The following ZNF839 variants were observed in gnomAD, a reference collection of about 807,000 sequenced individuals.
ZNF839 encodes renal carcinoma antigen NY-REN-50.
Under a neutral mutation model 56.4 loss-of-function variants are expected in ZNF839, and 38 were observed. The ratio of observed to expected loss-of-function variants is 0.67; its 90% CI spans 0.52 to 0.88. The LOEUF (loss-of-function observed/expected upper bound fraction) is 0.88. Among genes scored for constraint, ZNF839 ranks in the 40% least tolerant of loss-of-function variants. ZNF839 has a pLI of 0.00. For missense variants in ZNF839, 1,091 were observed against 1,177.6 expected (o/e 0.93, Z 1.08); for synonymous variants, 486 against 493.5 (o/e 0.98, Z 0.20).
At position 102,319,754 on chromosome 14, in the gene ZNF839, G is replaced by T; in HGVS notation, c.-12G>T. 8.1e-7 allele frequency: 1 copy of T among 1,229,038 alleles called. No homozygotes were observed. Among genetic ancestry groups the T allele is most frequent in the Non-Finnish European group, 1.0e-6 (1 of 985,890 alleles). The allele number at this position is 1,229,038 out of a possible 1,614,324, so 76.1% of individuals were successfully genotyped here. ...CTCAGCGACCCGGGTTCGAGTCCCC[G>T]CCTCGGCCGCCATGGCGGATGCGGA... is the stretch of plus-strand genomic sequence containing the variant. On this transcript the variant is annotated 5_prime_UTR_variant, in exon 1 of 8. Transcript: ENST00000442396. The surrounding 1 kb of genome is among the most constrained non-coding windows in gnomAD (Gnocchi z 4.5).
rs1416700308 is a variant in ZNF839 at position 102,326,227 on chromosome 14, T to C, written c.531T>C (p.Phe177=). Residue 177 remains phenylalanine, a synonymous_variant, in exon 2 of 8, where the codon TTT becomes TTC. Transcript: ENST00000442396. The surrounding 1 kb of genome is among the most constrained non-coding windows in gnomAD (Gnocchi z 4.3). The stretch of plus-strand genomic sequence containing the variant: ...TATGCCAACCTCCTGCTCAGGGGTT[T>C]GTACAGAGACCACTGCCAGCCCTCC... ...SDLCQPPAQG[F]VQRPLPALQV... The C allele has an allele frequency of 6.2e-7, 1 of 1,613,924 alleles. No individual in the cohort carries two copies. Among genetic ancestry groups the C allele is most frequent in the East Asian group, 2.2e-5 (1 of 44,880 alleles).
In ZNF839 at chr14:102,326,848, C is replaced by T; in HGVS notation, c.1152C>T (p.Arg384=). 13 of 1,608,918 alleles carry T rather than the reference C, an allele frequency of 8.1e-6. No individual in the cohort carries two copies. The highest frequency in any genetic ancestry group is 1.1e-5 in the Non-Finnish European group (13 of 1,177,076). Residue 384 remains arginine, a synonymous_variant, in exon 2 of 8, where the codon CGC becomes CGT. Coordinates refer to ENST00000442396, the MANE Select transcript of ZNF839 (RefSeq NM_018335.6). This position sits in a 1 kb window ranked among gnomAD's most constrained non-coding sequence, Gnocchi z 4.3. ...CGGATCCATGTGAGGGAGGGGCCCG[C>T]TCCTGCTTGGTGACAGAGTCAGCAC... ...MPADPCEGGA[R]SCLVTESARG... is the part of the protein sequence containing the mutation.
At chr14:102,321,476 G>A (rs1467600019) in intron 1 of ZNF839, among the ~76,000 whole-genome samples, 1 of 152,166 alleles carries the variant, frequency 6.6e-6, no homozygotes, top group African/African-American at 2.4e-5. Context: ...TCGAGCTTAG[G>A]CAGCATGATG....
chr14:102,328,170 C>T (rs1339185293), intron 2 of ZNF839, among the ~76,000 whole-genome samples: 1 of 151,242 alleles, frequency 6.6e-6, no homozygotes, highest in African/African-American at 2.4e-5. Flanking sequence ...GCCTGGCCAA[C>T]ATGGTGAAAC....
chr14:102,341,429 T>G lies in ZNF839; in HGVS notation c.2034T>G (p.Leu678=), dbSNP rs746064855. ...NGSVFQAGPQ[L]QALANLEARR... ...GCGTGTTCCAGGCGGGCCCGCAGCT[T>G]CAGGCACTGGCTAACTTAGAAGCCA... Residue 678 remains leucine, a synonymous_variant, in exon 8 of 8, where the codon CTT becomes CTG. Coordinates refer to ENST00000442396, the MANE Select transcript of ZNF839 (RefSeq NM_018335.6). The G allele has an allele frequency of 1.3e-6, 2 of 1,592,694 alleles. No homozygotes were observed. Among genetic ancestry groups the G allele is most frequent in the South Asian group, 1.1e-5 (1 of 88,852 alleles).
Position 102,341,729 on chromosome 14 carries a change from C to G in ZNF839, c.2334C>G (p.Phe778Leu). ...EAGHLGKVCD[F>L]HLNHQQPSPT... ...GACACCTCGGCAAGGTTTGTGACTT[C>G]CACCTGAACCACCAGCAGCCCAGCC... is the stretch of plus-strand genomic sequence containing the variant. Residue 778 changes from phenylalanine to leucine, a missense_variant, in exon 8 of 8, where the codon TTC becomes TTG. Around this residue, in one of 3 missense-constraint regions of ZNF839, gnomAD observed 431 missense variants for 468.0 expected, o/e 0.92. Coordinates refer to ENST00000442396, the MANE Select transcript of ZNF839 (RefSeq NM_018335.6). 3 of 1,614,010 alleles carry G rather than the reference C, an allele frequency of 1.9e-6. No homozygotes were observed. The highest frequency in any genetic ancestry group is 2.5e-6 in the Non-Finnish European group (3 of 1,179,894).
chr14:102,337,941 G>A (rs541373322), intron 5 of ZNF839, among the ~76,000 whole-genome samples: 1 of 152,168 alleles, frequency 6.6e-6, no homozygotes, highest in Non-Finnish European at 1.5e-5. Flanking sequence ...GCCTTTCCAG[G>A]TAGCTGTAAC....
rs2139490245 is a variant in ZNF839, at chr14:102,326,975, G to T, written c.1191+88G>T. 1 of 1,380,608 alleles carries T rather than the reference G, an allele frequency of 7.2e-7. No individual in the cohort carries two copies. The highest frequency in any genetic ancestry group is 1.5e-5 in the South Asian group (1 of 66,756). The allele number at this position is 1,380,608 out of a possible 1,614,324, so 85.5% of individuals were successfully genotyped here. On this transcript the variant is annotated intron_variant, in intron 2 of 7. Transcript: ENST00000442396. The surrounding 1 kb of genome is among the most constrained non-coding windows in gnomAD (Gnocchi z 4.3). ...TACCTGAGACCAGGTATTTTATAAA[G>T]AAAAGAGGGTTGGCTCACGGTTCCA... is the stretch of plus-strand genomic sequence containing the variant.
intron 4 of ZNF839, 194 bp from the exon 5 acceptor site, chr14:102,335,495 C>T (rs1567294318): frequency 1.8e-6 from 1 of 569,236 alleles, no homozygotes; most frequent in Non-Finnish European, 3.0e-6. Context: ...TTGGCCTGCT[C>T]CTCCCATGCC....
chr14:102,319,817 G>C lies in ZNF839; in HGVS notation c.52G>C (p.Gly18Arg). The change falls in exon 1 of 8, where the codon GGC (glycine) becomes CGC (arginine). Residue 18 changes from glycine to arginine, a missense_variant. Gly to Arg is a moderately radical substitution (Grantham distance 125, BLOSUM62 -2). Coordinates refer to ENST00000442396, the MANE Select transcript of ZNF839 (RefSeq NM_018335.6). The surrounding 1 kb of genome is among the most constrained non-coding windows in gnomAD (Gnocchi z 4.5). ...GGGCGGCAGCGAGGATGGCGGCGGC[G>C]GCGGCGGCCCGGCTCCTCCGGGCCA... Reference protein sequence around the residue: ...AGGGSEDGGGGGGPAPPGQSG... With the variant: ...AGGGSEDGGGRGGPAPPGQSG... The C allele has an allele frequency of 8.1e-7, 1 of 1,233,126 alleles. No homozygotes were observed. The highest frequency in any genetic ancestry group is 1.0e-6 in the Non-Finnish European group (1 of 989,268). The allele number at this position is 1,233,126 out of a possible 1,614,324, so 76.4% of individuals were successfully genotyped here.
At chr14:102,340,176 A>C (rs1886351914) in intron 7 of ZNF839, among the ~76,000 whole-genome samples, 1 of 150,102 alleles carries the variant, frequency 6.7e-6, no homozygotes, top group Non-Finnish European at 1.5e-5. Context: ...GGGTTTTACC[A>C]TTTTGGTCAG....
In ZNF839 at chr14:102,335,822, A is replaced by T. The variant is rs764073126; in HGVS notation, c.1643A>T (p.Glu548Val). 1 of 1,609,992 alleles carries T rather than the reference A, an allele frequency of 6.2e-7. No individual in the cohort carries two copies. The highest frequency in any genetic ancestry group is 2.2e-5 in the East Asian group (1 of 44,876). The change falls in exon 5 of 8, where the codon GAA becomes GTA. Residue 548 changes from glutamate to valine, a missense_variant. Glu to Val is a moderately radical substitution (Grantham distance 121, BLOSUM62 -2). Around this residue, in one of 3 missense-constraint regions of ZNF839, gnomAD observed 46 missense variants for 80.4 expected, o/e 0.57. Transcript: ENST00000442396. ...GGTCTGTGTTCCCAGGAGACCCTGG[A>T]AATAAACAATGATAAGGTAACAATC... ...SSGLCSQETL[E>V]INNDKVAESL...
Position 102,341,750 on chromosome 14 carries a change from C to G in ZNF839, c.2355C>G (p.Pro785=). The stretch of plus-strand genomic sequence containing the variant: ...ACTTCCACCTGAACCACCAGCAGCC[C>G]AGCCCCACCAGCGTCCTGCCTACAG... ...VCDFHLNHQQ[P]SPTSVLPTEV... The change falls in exon 8 of 8, where the codon CCC becomes CCG. Residue 785 remains proline, a synonymous_variant. Coordinates refer to ENST00000442396, the MANE Select transcript of ZNF839 (RefSeq NM_018335.6). 1 of 1,614,022 alleles carries G rather than the reference C, an allele frequency of 6.2e-7. No individual in the cohort carries two copies. Among genetic ancestry groups the G allele is most frequent in the Non-Finnish European group, 8.5e-7 (1 of 1,179,904 alleles).
At chr14:102,321,669 C>T (rs894342820) in intron 1 of ZNF839, among the ~76,000 whole-genome samples, 1 of 152,040 alleles carries the variant, frequency 6.6e-6, no homozygotes, top group Non-Finnish European at 1.5e-5. Flanking sequence ...GAAACAAGAC[C>T]CAGATAACTT....
upstream of ZNF839, among the ~76,000 whole-genome samples, chr14:102,319,037 C>G (rs1259291169): frequency 1.3e-5 from 2 of 152,172 alleles, no homozygotes; most frequent in Non-Finnish European, 2.9e-5. This position sits in a 1 kb window ranked among gnomAD's most constrained non-coding sequence, Gnocchi z 4.5. Context: ...AGAGCCTCAA[C>G]CGTAAGAAGG....
intron 2 of ZNF839, among the ~76,000 whole-genome samples, chr14:102,329,705 T>TTGTGTG (rs58999642): frequency 6.8e-6 from 1 of 146,816 alleles, no homozygotes; most frequent in African/African-American, 2.6e-5. Flanking sequence ...ATTCTAATAT[T>TTGTGTG]TGTGTGTGTG....
chr14:102,319,292 A>C (rs150789694), upstream of ZNF839: 1,582 of 152,422 alleles, frequency 0.01, 7 homozygotes, highest in Non-Finnish European at 0.015. This position sits in a 1 kb window ranked among gnomAD's most constrained non-coding sequence, Gnocchi z 4.5. Context: ...CAAGGCAAAA[A>C]TTTGGGAAAC....
chr14:102,341,068 C>CAAA (rs60659700), intron 7 of ZNF839: 13 of 82,948 alleles, frequency 1.6e-4, no homozygotes, highest in South Asian at 4.0e-4. Context: ...GACTCCATCT[C>CAAA]AAAAAAAAAA....
At position 102,342,198 on chromosome 14, in the gene ZNF839, C is replaced by A; in HGVS notation, c.*19C>A. 1 of 1,583,364 alleles carries A rather than the reference C, an allele frequency of 6.3e-7. No individual in the cohort carries two copies. Among genetic ancestry groups the A allele is most frequent in the Non-Finnish European group, 8.6e-7 (1 of 1,162,448 alleles). Reference sequence around the variant, plus strand: ...CCGCTAGAAGGAGTTCCTCTAGAAGCTGTGGAGTCGGTCGTCACCGTGGAG... The same window carrying A: ...CCGCTAGAAGGAGTTCCTCTAGAAGATGTGGAGTCGGTCGTCACCGTGGAG... On this transcript the variant is annotated 3_prime_UTR_variant, in exon 8 of 8. Coordinates refer to ENST00000442396, the MANE Select transcript of ZNF839 (RefSeq NM_018335.6).
Sources: allele counts gnomAD v4.1 joint callset (sites outside exome capture counted in the v4.1 genomes callset), GRCh38; gene constraint gnomAD v4.1.1; regional missense constraint gnomAD v4.1.1; non-coding constraint Gnocchi (gnomAD v3.1); transcripts MANE v1.5; gene names NCBI Gene and HGNC (gene_info 2026-07-23, HGNC 2026-07-21).